TNPO1: variants seen among roughly 807,000 people sequenced by gnomAD.
TNPO1 encodes transportin 1.
Under a neutral mutation model 119.5 loss-of-function variants are expected in TNPO1, and 8 were observed. That is an observed-to-expected ratio of 0.07 (90% CI 0.04 to 0.12). The LOEUF (loss-of-function observed/expected upper bound fraction) is 0.12, where lower values mean the gene tolerates loss of function less well. TNPO1 is among the 10% of genes least tolerant of loss of function. The probability of loss-of-function intolerance (pLI) is 1.00; values close to 1 mark genes in which losing one functional copy is unlikely to be tolerated. For missense variants in TNPO1, 576 were observed against 1,089.8 expected, an observed-to-expected ratio of 0.53 and a Z score of 6.64; for synonymous variants, 362 against 363.0, an observed-to-expected ratio of 1.00 and a Z score of 0.03.
At chr5:72,822,590 CT>C (rs766069525) in intron 1 of TNPO1, among the ~76,000 whole-genome samples, 170 of 132,908 alleles carry the variant, frequency 1.3e-3, no homozygotes, top group Middle Eastern at 4.0e-3. Context: ...AAGTTCTACA[CT>C]TTTTTTTTTT....
chr5:72,892,378 G>T (rs143190426), intron 15 of TNPO1, among the ~76,000 whole-genome samples: 1 of 151,996 alleles, frequency 6.6e-6, no homozygotes, highest in East Asian at 1.9e-4. Context: ...TAGTTGAATT[G>T]ACATTGATAG....
At chr5:72,855,114 G>C (rs963154846) in intron 3 of TNPO1, among the ~76,000 whole-genome samples, 2 of 151,738 alleles carry the variant, frequency 1.3e-5, no homozygotes, top group Non-Finnish European at 2.9e-5. Flanking sequence ...TCCTGCCTCC[G>C]CCTCCCAAGC....
intron 2 of TNPO1, among the ~76,000 whole-genome samples, chr5:72,849,855 T>G (rs1475141742): frequency 6.6e-6 from 1 of 152,230 alleles, no homozygotes; most frequent in African/African-American, 2.4e-5. Context: ...GCAGGTATTA[T>G]ATGATACAGT....
At chr5:72,836,281 G>A (rs1409198180) in intron 1 of TNPO1, among the ~76,000 whole-genome samples, 1 of 152,208 alleles carries the variant, frequency 6.6e-6, no homozygotes, top group Non-Finnish European at 1.5e-5. Flanking sequence ...CTGAGCCCCA[G>A]GGTTTTTCAG....
intron 2 of TNPO1, 72 bp from the exon 3 acceptor site, chr5:72,851,172 T>G: frequency 1.0e-6 from 1 of 954,122 alleles, no homozygotes; most frequent in South Asian, 1.5e-5. Flanking sequence ...GATCCTTGAT[T>G]TTTAGATTTA....
chr5:72,864,519 G>T (rs1037391210), intron 5 of TNPO1, among the ~76,000 whole-genome samples: 18 of 152,192 alleles, frequency 1.2e-4, no homozygotes, highest in Admixed American at 1.0e-3. Context: ...TTGCCAATTT[G>T]CACTGCCTGC....
chr5:72,831,082 T>A (rs980353698), intron 1 of TNPO1, among the ~76,000 whole-genome samples: 1 of 152,118 alleles, frequency 6.6e-6, no homozygotes, highest in African/African-American at 2.4e-5. Context: ...TATTGATGAT[T>A]CTAACATAAG....
chr5:72,886,124 G>C (rs1321909291), intron 11 of TNPO1, among the ~76,000 whole-genome samples: 1 of 152,040 alleles, frequency 6.6e-6, no homozygotes, highest in Non-Finnish European at 1.5e-5. Context: ...TGAACTTCAG[G>C]AACACGTTCC....
chr5:72,864,614 T>C (rs1746742973), intron 5 of TNPO1, among the ~76,000 whole-genome samples: 1 of 152,174 alleles, frequency 6.6e-6, no homozygotes, highest in African/African-American at 2.4e-5. Context: ...AGTAACTTTT[T>C]TTTCCTTTTT....
At chr5:72,886,936 A>T in intron 11 of TNPO1, 134 bp from the exon 12 acceptor site, 2 of 783,558 alleles carry the variant, frequency 2.6e-6, no homozygotes, top group Non-Finnish European at 3.6e-6. Context: ...CACGTGACAA[A>T]CTACCTCCTA....
chr5:72,897,173 T>C (rs757596183), intron 20 of TNPO1, 22 bp downstream of exon 20: 8 of 1,541,050 alleles, frequency 5.2e-6, no homozygotes, highest in Non-Finnish European at 7.0e-6. Context: ...CTGAACTGTT[T>C]CAGTGAAGAG....
At position 72,882,936 on chromosome 5, in the gene TNPO1, T is replaced by A. The variant is rs911444004; in HGVS notation, c.982-128T>A. The A allele has an allele frequency of 1.1e-5, 8 of 725,024 alleles. No individual in the cohort carries two copies. In the African/African-American group the frequency reaches 1.4e-4, roughly 13 times the overall value. The allele number at this position is 725,024 out of a possible 1,614,324, so 44.9% of individuals were successfully genotyped here. A position where few individuals can be genotyped will look rare whatever the true frequency, so the allele number is the denominator to read the frequency against. On this transcript the variant is annotated intron_variant, in intron 10 of 24. Transcript: ENST00000337273. ...TTCTGTACATGGGCGTGGTTCTTAA[T>A]CACTCTGGAAGTATATTTCAGAATT...
intron 6 of TNPO1, among the ~76,000 whole-genome samples, chr5:72,869,560 A>G (rs924374163): frequency 6.6e-6 from 1 of 152,178 alleles, no homozygotes; most frequent in South Asian, 2.1e-4. Context: ...AAAATAAATA[A>G]AGACAGTTTT....
At chr5:72,856,296 A>G (rs1051314311) in intron 4 of TNPO1, among the ~76,000 whole-genome samples, 3 of 152,110 alleles carry the variant, frequency 2.0e-5, no homozygotes, top group Admixed American at 1.3e-4. Flanking sequence ...CAGTGGCACA[A>G]TCTTGACTCA....
chr5:72,825,106 C>T (rs1217375576), intron 1 of TNPO1, among the ~76,000 whole-genome samples: 1 of 152,202 alleles, frequency 6.6e-6, no homozygotes, highest in Non-Finnish European at 1.5e-5. Context: ...CTCACTGCTT[C>T]CTCCACTGCC....
chr5:72,822,908 CTTTTTTTTTTTTTTT>C lies in TNPO1; in HGVS notation c.15+6166_15+6180del, dbSNP rs56331096. On this transcript the variant is annotated intron_variant, in intron 1 of 24. Coordinates refer to ENST00000337273, the MANE Select transcript of TNPO1 (RefSeq NM_002270.4). ...GCGCCCGGCCTGGCCTGGGTCTACA[CTTTTTTTTTTTTTTT>C]TTTTTTTTTGGAGACACAGTCTAGC... Among the ~76,000 whole-genome samples, 34 of 76,090 alleles carry C rather than the reference CTTTTTTTTTTTTTTT, an allele frequency of 4.5e-4. 2 individuals are homozygous for C. Among genetic ancestry groups the C allele is most frequent in the Non-Finnish European group, 2.5e-5 (1 of 40,314 alleles). 49.9% of individuals were successfully genotyped at this position (76,090 alleles called of 152,430 possible).
intron 1 of TNPO1, among the ~76,000 whole-genome samples, chr5:72,825,038 T>G (rs905470406): frequency 1.4e-4 from 22 of 152,144 alleles, no homozygotes; most frequent in African/African-American, 5.3e-4. Context: ...TTCAGATCTG[T>G]TCTTTCAGGA....
Position 72,867,699 on chromosome 5 carries a change from A to G in TNPO1, c.596+1970A>G, listed in dbSNP as rs570761268. Among the ~76,000 whole-genome samples the G allele has an allele frequency of 4.6e-5, 7 of 152,318 alleles. No individual in the cohort carries two copies. The South Asian group carries it at 1.4e-3, about 32-fold the overall frequency. ...CTTCCCTTACATTTCTTGATAGATA[A>G]TTTTATTGCATGCATATGCAAAGGG... On this transcript the variant is annotated intron_variant, in intron 6 of 24. Coordinates refer to ENST00000337273, the MANE Select transcript of TNPO1 (RefSeq NM_002270.4).
chr5:72,831,569 C>T lies in TNPO1; in HGVS notation c.15+14817C>T, dbSNP rs192157143. ...CATATTAAAAATTATTTTGTATACACAAGGTATCAGAACAGTAATCACAAG... is the reference window on the plus strand; with the variant it reads ...CATATTAAAAATTATTTTGTATACATAAGGTATCAGAACAGTAATCACAAG... On this transcript the variant is annotated intron_variant, in intron 1 of 24. Coordinates refer to ENST00000337273, the MANE Select transcript of TNPO1 (RefSeq NM_002270.4). 1.8e-4 allele frequency among the ~76,000 whole-genome samples: 28 copies of T among 151,970 alleles called. No individual in the cohort carries two copies. The East Asian group carries it at 4.8e-3, about 26-fold the overall frequency.
Sources: allele counts gnomAD v4.1 joint callset (sites outside exome capture counted in the v4.1 genomes callset), GRCh38; gene constraint gnomAD v4.1.1; transcripts MANE v1.5; gene names NCBI Gene and HGNC (gene_info 2026-07-23, HGNC 2026-07-21).